CAMKMT: variants seen among roughly 807,000 people sequenced by gnomAD.
CAMKMT encodes CaM KMT.
CAMKMT carries 53 observed loss-of-function variants against 48.0 expected under a neutral mutation model. The ratio of observed to expected loss-of-function variants is 1.10; its 90% CI spans 0.89 to 1.39. The LOEUF (loss-of-function observed/expected upper bound fraction) is 1.39. Ranked by LOEUF, CAMKMT falls within the 40% of genes most tolerant of loss-of-function variation. The pLI is 0.00. For synonymous variants in CAMKMT, 165 were observed against 152.3 expected, an observed-to-expected ratio of 1.08 and a Z score of -0.61; for missense variants, 428 against 402.7, an observed-to-expected ratio of 1.06 and a Z score of -0.54.
intron 3 of CAMKMT, among the ~76,000 whole-genome samples, chr2:44,440,971 A>C (rs1052742086): frequency 6.6e-6 from 1 of 151,956 alleles, no homozygotes; most frequent in Non-Finnish European, 1.5e-5. Flanking sequence ...TAGCCTTGCC[A>C]CCCCTACTAA....
rs553165015 is a variant in CAMKMT at position 44,405,270 on chromosome 2, A to T, written c.376+14965A>T. On this transcript the variant is annotated intron_variant, in intron 3 of 10. Coordinates refer to ENST00000378494, the MANE Select transcript of CAMKMT (RefSeq NM_024766.5). ...TATAGCACTATTTGGACTGGAAAGG[A>T]ACATAACTTGAAAACAGTCTGACAG... 3.5e-4 allele frequency among the ~76,000 whole-genome samples: 53 copies of T among 152,226 alleles called. 1 individual carries two copies. The highest frequency in any genetic ancestry group is 3.4e-3 in the Middle Eastern group (1 of 294).
chr2:44,462,798 C>A (rs995570540), intron 3 of CAMKMT, among the ~76,000 whole-genome samples: 4 of 152,118 alleles, frequency 2.6e-5, no homozygotes, highest in African/African-American at 9.7e-5. Context: ...TCTTAATTCT[C>A]TTAATCTAAA....
intron 7 of CAMKMT, among the ~76,000 whole-genome samples, chr2:44,717,395 C>T (rs1678229639): frequency 6.6e-6 from 1 of 152,096 alleles, no homozygotes. Context: ...TAAGGAGTGA[C>T]CTGATCACTT....
chr2:44,708,069 C>T (rs1483264301), intron 6 of CAMKMT, among the ~76,000 whole-genome samples: 1 of 152,056 alleles, frequency 6.6e-6, no homozygotes, highest in South Asian at 2.1e-4. Flanking sequence ...AATATGTACA[C>T]AGAGTTCATG....
At chr2:44,435,022 T>TC (rs1468084376) in intron 3 of CAMKMT, among the ~76,000 whole-genome samples, 2 of 152,182 alleles carry the variant, frequency 1.3e-5, no homozygotes, top group Non-Finnish European at 2.9e-5. Context: ...AATATGAGCA[T>TC]CGTTAGGTTC....
chr2:44,560,622 G>C (rs758892547), intron 3 of CAMKMT, among the ~76,000 whole-genome samples: 1 of 152,152 alleles, frequency 6.6e-6, no homozygotes, highest in East Asian at 1.9e-4. Context: ...AAAGAAAAAA[G>C]CATGCTCTCA....
intron 3 of CAMKMT, among the ~76,000 whole-genome samples, chr2:44,668,229 A>G (rs766956762): frequency 4.6e-5 from 7 of 152,164 alleles, no homozygotes; most frequent in Non-Finnish European, 8.8e-5. Flanking sequence ...TTCATTTCCC[A>G]TCACTAGAGC....
chr2:44,573,319 TGAG>T (rs1332341423), intron 3 of CAMKMT, among the ~76,000 whole-genome samples: 13 of 152,234 alleles, frequency 8.5e-5, no homozygotes, highest in Admixed American at 5.9e-4. Context: ...TATAATATTA[TGAG>T]TAGTAATGTC....
chr2:44,390,021 A>G (rs1296689351), intron 2 of CAMKMT, among the ~76,000 whole-genome samples: 1 of 152,220 alleles, frequency 6.6e-6, no homozygotes. Context: ...TAAGATGTAG[A>G]TTAATCATTT....
chr2:44,541,529 C>G (rs1572753510), intron 3 of CAMKMT, among the ~76,000 whole-genome samples: 1 of 152,062 alleles, frequency 6.6e-6, no homozygotes, highest in African/African-American at 2.4e-5. Context: ...AATTTTATAT[C>G]CTGCTACCTC....
intron 10 of CAMKMT, among the ~76,000 whole-genome samples, chr2:44,768,361 A>ATATATATATATATATATTTTTTTTT (rs35058824): frequency 8.6e-6 from 1 of 115,742 alleles, no homozygotes; most frequent in African/African-American, 3.7e-5. Flanking sequence ...ATATATATAT[A>ATATATATATATATATATTTTTTTTT]TTTTTTTTTT....
chr2:44,405,857 C>T (rs1028697549), intron 3 of CAMKMT, among the ~76,000 whole-genome samples: 12 of 152,152 alleles, frequency 7.9e-5, no homozygotes, highest in African/African-American at 2.7e-4. Context: ...TATTCCCAAA[C>T]TTCTAACAGA....
chr2:44,483,964 C>G (rs1669094681), intron 3 of CAMKMT, among the ~76,000 whole-genome samples: 2 of 152,134 alleles, frequency 1.3e-5, no homozygotes, highest in South Asian at 4.1e-4. Context: ...CTTGCAAAAT[C>G]TCTAAGGAAC....
intron 1 of CAMKMT, among the ~76,000 whole-genome samples, chr2:44,371,193 C>T (rs1344022572): frequency 6.6e-6 from 1 of 152,104 alleles, no homozygotes; most frequent in Non-Finnish European, 1.5e-5. Flanking sequence ...CCATGTTGGC[C>T]AGGCTGGTCT....
chr2:44,439,665 C>T (rs763767417), intron 3 of CAMKMT, among the ~76,000 whole-genome samples: 23 of 151,892 alleles, frequency 1.5e-4, no homozygotes, highest in African/African-American at 2.4e-4. Context: ...GGTGAAACCC[C>T]GTCTCTACTA....
chr2:44,719,234 G>C (rs1309845672), intron 7 of CAMKMT, among the ~76,000 whole-genome samples: 1 of 152,002 alleles, frequency 6.6e-6, no homozygotes, highest in African/African-American at 2.4e-5. Context: ...TTCTAGGATG[G>C]CTCCACTGCC....
chr2:44,732,948 T>C (rs1679161402), intron 7 of CAMKMT, among the ~76,000 whole-genome samples: 1 of 152,202 alleles, frequency 6.6e-6, no homozygotes, highest in African/African-American at 2.4e-5. Flanking sequence ...ATTTACCAAT[T>C]TGTTCTTTTA....
rs1323272979 is a variant in CAMKMT at position 44,707,963 on chromosome 2, T to G, written c.556+501T>G. On this transcript the variant is annotated intron_variant, in intron 6 of 10. Transcript: ENST00000378494. The stretch of plus-strand genomic sequence containing the variant: ...GGAACAGCTGTCAGTTCTTCATTAT[T>G]TCCTTTTATTTAGGATTTTATTTAG... Among the ~76,000 whole-genome samples the G allele has an allele frequency of 2.6e-5, 4 of 152,164 alleles. 1 individual carries two copies. The South Asian group carries it at 8.3e-4, about 31-fold the overall frequency.
chr2:44,687,830 T>C (rs1676423237), intron 3 of CAMKMT, among the ~76,000 whole-genome samples: 1 of 152,216 alleles, frequency 6.6e-6, no homozygotes. Context: ...GCTTCCTCCA[T>C]CAAAGCAAAA....
Sources: allele counts gnomAD v4.1 joint callset (sites outside exome capture counted in the v4.1 genomes callset), GRCh38; gene constraint gnomAD v4.1.1; transcripts MANE v1.5; gene names NCBI Gene and HGNC (gene_info 2026-07-23, HGNC 2026-07-21).